Variants in TAOK2 observed in about 807,000 individuals in gnomAD.
The protein encoded by TAOK2 is serine/threonine-protein kinase TAO2.
TAOK2 carries 42 observed loss-of-function variants against 122.5 expected under a neutral mutation model. The ratio of observed to expected loss-of-function variants is 0.34; its 90% CI spans 0.27 to 0.44. The LOEUF is 0.44. TAOK2 is among the 20% of genes least tolerant of loss of function. The probability of loss-of-function intolerance (pLI) is 1.00; values close to 1 mark genes in which losing one functional copy is unlikely to be tolerated. For missense variants in TAOK2, 1,264 were observed against 1,644.9 expected (o/e 0.77, Z 4.01); for synonymous variants, 704 against 677.6 (o/e 1.04, Z -0.61).
downstream of TAOK2, chr16:29,988,460 CA>C: frequency 8.1e-7 from 1 of 1,238,842 alleles, no homozygotes; most frequent in Non-Finnish European, 1.0e-6. Context: ...GGTATGCCCC[CA>C]GGCTGACCCT....
downstream of TAOK2, chr16:29,990,896 G>C: frequency 6.2e-7 from 1 of 1,613,680 alleles, no homozygotes; most frequent in Non-Finnish European, 8.5e-7. Context: ...CGCACAGAGA[G>C]CCAGCACGAG....
rs1039947213 is a variant in TAOK2, at chr16:29,983,059, G to A, written c.1000-13G>A. On this transcript the variant is annotated splice_polypyrimidine_tract_variant and intron_variant, in intron 11 of 15. Transcript: ENST00000308893. The stretch of plus-strand genomic sequence containing the variant: ...TCCCCTTCCCTGTCCAGCAGCCTAC[G>A]CCCTGTTCGCAGGAGGCCGAGCCCT... 1.7e-5 allele frequency: 27 copies of A among 1,613,488 alleles called. No individual in the cohort carries two copies. The highest frequency in any genetic ancestry group is 2.2e-5 in the Non-Finnish European group (26 of 1,179,936).
rs2069743346 is a variant in TAOK2, at chr16:29,985,151, C to T, written c.1423-62C>T. Reference sequence around the variant, plus strand: ...CCCATGCTCTTCCCCACGGAAGACCCCTTGTGTTAATTAACTAGGGGCCAG... The same window carrying T: ...CCCATGCTCTTCCCCACGGAAGACCTCTTGTGTTAATTAACTAGGGGCCAG... On this transcript the variant is annotated intron_variant, in intron 13 of 15. Transcript: ENST00000308893. The surrounding 1 kb of genome is among the most constrained non-coding windows in gnomAD (Gnocchi z 6.9). The T allele has an allele frequency of 6.9e-7, 1 of 1,459,606 alleles. No individual in the cohort carries two copies. The highest frequency in any genetic ancestry group is 2.4e-5 in the East Asian group (1 of 41,842). 90.4% of individuals were successfully genotyped at this position (1,459,606 alleles called of 1,614,324 possible).
At chr16:29,990,608 C>T (rs1596624318), downstream of TAOK2, 3 of 541,634 alleles carry the variant, frequency 5.5e-6, no homozygotes, top group East Asian at 9.5e-5. Context: ...GCAAGTATAC[C>T]TGGGGGATAG....
downstream of TAOK2, chr16:29,989,658 G>A: frequency 6.2e-7 from 1 of 1,614,086 alleles, no homozygotes; most frequent in Non-Finnish European, 8.5e-7. Flanking sequence ...GGCAGTACAA[G>A]GCTCTGCGAG....
Position 29,986,216 on chromosome 16 carries a change from C to A in TAOK2, c.1993-49C>A. The A allele has an allele frequency of 1.1e-5, 17 of 1,505,200 alleles. No homozygotes were observed. The highest frequency in any genetic ancestry group is 1.5e-5 in the Non-Finnish European group (17 of 1,129,244). 93.2% of individuals were successfully genotyped at this position (1,505,200 alleles called of 1,614,324 possible). On this transcript the variant is annotated intron_variant, in intron 15 of 15. Coordinates refer to ENST00000308893, the MANE Select transcript of TAOK2 (RefSeq NM_016151.4). The surrounding 1 kb of genome is among the most constrained non-coding windows in gnomAD (Gnocchi z 4.2). ...TCTGCCAAGGAGCCCTGGCCTCTCACTTCCTTGATACTGACCAGGCCCCGG... is the reference window on the plus strand; with the variant it reads ...TCTGCCAAGGAGCCCTGGCCTCTCAATTCCTTGATACTGACCAGGCCCCGG...
At chr16:29,980,128 A>G (rs2069571119) in intron 8 of TAOK2, among the ~76,000 whole-genome samples, 1 of 152,230 alleles carries the variant, frequency 6.6e-6, no homozygotes, top group Admixed American at 6.5e-5. Context: ...TGCAGAGAAT[A>G]TTGAAGGATA....
chr16:29,988,757 C>G (rs1168992832), downstream of TAOK2: 12 of 985,308 alleles, frequency 1.2e-5, no homozygotes, highest in African/African-American at 1.7e-5. Context: ...AGGCATTACC[C>G]TAGTGGGTTG....
chr16:29,991,205 C>G (rs535841208), downstream of TAOK2: 2 of 1,610,708 alleles, frequency 1.2e-6, no homozygotes, highest in East Asian at 2.2e-5. This position sits in a 1 kb window ranked among gnomAD's most constrained non-coding sequence, Gnocchi z 5.6. Flanking sequence ...AAGCTGCTGC[C>G]CAGGGCTATC....
downstream of TAOK2, chr16:29,989,872 G>C: frequency 6.6e-7 from 1 of 1,525,748 alleles, no homozygotes; most frequent in African/African-American, 1.4e-5. Flanking sequence ...TTAGAGAAAT[G>C]GACGGTGCAG....
chr16:29,983,734 T>C, intron 13 of TAOK2, 70 bp downstream of exon 13: 1 of 1,545,110 alleles, frequency 6.5e-7, no homozygotes, highest in South Asian at 1.2e-5. Context: ...CTAGAAATGA[T>C]TTCCTCCCTG....
intron 12 of TAOK2, 69 bp downstream of exon 12, chr16:29,983,401 C>G: frequency 6.4e-7 from 1 of 1,561,336 alleles, no homozygotes; most frequent in South Asian, 1.2e-5. Context: ...GCCCTCCTTC[C>G]CTAAGTGCAG....
chr16:29,980,218 T>C (rs1189293606), intron 8 of TAOK2: 1 of 152,218 alleles, frequency 6.6e-6, no homozygotes, highest in Non-Finnish European at 1.5e-5. Context: ...GCCAGCACTA[T>C]TGAAACAATT....
Position 29,985,528 on chromosome 16 carries a change from C to T in TAOK2, c.1738C>T (p.Leu580=). The change falls in exon 14 of 16, where the codon CTG becomes TTG. Residue 580 remains leucine, a synonymous_variant. Transcript: ENST00000308893. This position sits in a 1 kb window ranked among gnomAD's most constrained non-coding sequence, Gnocchi z 6.9. The part of the protein sequence containing the change: ...GQQKKELAAL[L]EAQKRTYKLR... ...GCAGAAGAAGGAGCTGGCTGCCCTG[C>T]TGGAGGCACAGAAGCGGACCTACAA... The T allele has an allele frequency of 6.2e-7, 1 of 1,608,710 alleles. No individual in the cohort carries two copies. The highest frequency in any genetic ancestry group is 8.5e-7 in the Non-Finnish European group (1 of 1,176,984).
Position 29,986,567 on chromosome 16 carries a change from C to G in TAOK2, c.2295C>G (p.Pro765=). The change falls in exon 16 of 16, where the codon CCC becomes CCG. Residue 765 remains proline, a synonymous_variant. Transcript: ENST00000308893. This position sits in a 1 kb window ranked among gnomAD's most constrained non-coding sequence, Gnocchi z 4.2. ...CCATTCCTGGGGCTCTGGGCCCACC[C>G]AACACAGGCACCCCTATAGAACAGC... ...PLPIPGALGP[P]NTGTPIEQQP... The G allele has an allele frequency of 6.2e-7, 1 of 1,613,946 alleles. No individual in the cohort carries two copies. Among genetic ancestry groups the G allele is most frequent in the Non-Finnish European group, 8.5e-7 (1 of 1,179,932 alleles).
downstream of TAOK2, chr16:29,990,134 T>G (rs532665505): frequency 3.3e-5 from 9 of 270,384 alleles, no homozygotes; most frequent in African/African-American, 2.0e-4. Context: ...AGTGTGGCCC[T>G]CAAGCCCATT....
Position 29,974,642 on chromosome 16 carries a change from C to T in TAOK2, c.-42C>T, listed in dbSNP as rs2069397002. 6.6e-6 allele frequency: 1 copy of T among 152,576 alleles called. No individual in the cohort carries two copies. Among genetic ancestry groups the T allele is most frequent in the African/African-American group, 2.4e-5 (1 of 41,434 alleles). 9.5% of individuals were successfully genotyped at this position (152,576 alleles called of 1,614,324 possible). On this transcript the variant is annotated 5_prime_UTR_variant, in exon 1 of 16. Transcript: ENST00000308893. The stretch of plus-strand genomic sequence containing the variant: ...AGGCGCTGGGGCACCATAGTGACCC[C>T]TACCAGGTGAGACACGGGGTGCAGG...
At position 29,985,762 on chromosome 16, in the gene TAOK2, G is replaced by C. The variant is rs1174924076; in HGVS notation, c.1893G>C (p.Leu631=). 6.2e-7 allele frequency: 1 copy of C among 1,611,090 alleles called. No homozygotes were observed. The highest frequency in any genetic ancestry group is 1.1e-5 in the South Asian group (1 of 90,876). Residue 631 remains leucine (L), a synonymous_variant, in exon 15 of 16, where the codon CTG becomes CTC. Transcript: ENST00000308893. The surrounding 1 kb of genome is among the most constrained non-coding windows in gnomAD (Gnocchi z 6.9). ...GCCAGGCGGAGGAGGAAGCAGGGCTGCTGCGGCGGCAGCGCCAGTACTTTG... is the reference window on the plus strand; with the variant it reads ...GCCAGGCGGAGGAGGAAGCAGGGCTCCTGCGGCGGCAGCGCCAGTACTTTG... ...QQCQAEEEAG[L]LRRQRQYFEL...
rs878943934 is a variant in TAOK2 at position 29,982,754 on chromosome 16, G to A, written c.852G>A (p.Glu284=). 4 of 1,613,808 alleles carry A rather than the reference G, an allele frequency of 2.5e-6. No homozygotes were observed. The highest frequency in any genetic ancestry group is 2.2e-5 in the East Asian group (1 of 44,878). ...VLLKHRFVLR[E]RPPTVIMDLI... ...CCCAGCACCGCTTTGTGCTCCGGGAGCGGCCACCCACAGTCATCATGGACC... is the reference window on the plus strand; with the variant it reads ...CCCAGCACCGCTTTGTGCTCCGGGAACGGCCACCCACAGTCATCATGGACC... Residue 284 remains glutamate, a synonymous_variant, in exon 11 of 16, where the codon GAG becomes GAA. Coordinates refer to ENST00000308893, the MANE Select transcript of TAOK2 (RefSeq NM_016151.4).
Sources: allele counts gnomAD v4.1 joint callset (sites outside exome capture counted in the v4.1 genomes callset), GRCh38; gene constraint gnomAD v4.1.1; non-coding constraint Gnocchi (gnomAD v3.1); transcripts MANE v1.5; gene names NCBI Gene and HGNC (gene_info 2026-07-23, HGNC 2026-07-21).